The following NEBL variants were observed in gnomAD, a reference collection of about 807,000 sequenced individuals.
NEBL encodes LIM and SH3 protein 2.
NEBL carries 122 observed loss-of-function variants against 140.2 expected under a neutral mutation model. That is an observed-to-expected ratio of 0.87 (90% CI 0.75 to 1.01). NEBL has a LOEUF of 1.01. Ranked by LOEUF, NEBL falls within the 50% of genes least tolerant of loss-of-function variation. The pLI, the probability that NEBL is intolerant of heterozygous loss-of-function variation, is 0.00. For missense variants in NEBL, 1,365 were observed against 1,231.3 expected (o/e 1.11, Z -1.62); for synonymous variants, 436 against 398.9 (o/e 1.09, Z -1.11).
At chr10:21,080,217 AC>A (rs1836302203) in intron 2 of NEBL, among the ~76,000 whole-genome samples, 1 of 152,238 alleles carries the variant, frequency 6.6e-6, no homozygotes, top group African/African-American at 2.4e-5. Context: ...CATAGATACA[AC>A]AAAAGCATGT....
At chr10:20,842,241 G>A (rs970615935) in intron 12 of NEBL, among the ~76,000 whole-genome samples, 1 of 152,064 alleles carries the variant, frequency 6.6e-6, no homozygotes, top group African/African-American at 2.4e-5. Flanking sequence ...AATGATCTGA[G>A]TCAAATGACC....
At chr10:20,886,401 C>T (rs577426395) in intron 4 of NEBL, among the ~76,000 whole-genome samples, 95 of 151,756 alleles carry the variant, frequency 6.3e-4, no homozygotes, top group African/African-American at 8.7e-4. Flanking sequence ...TGGTGGTGTG[C>T]GCCTGTAATG....
intron 3 of NEBL, among the ~76,000 whole-genome samples, chr10:21,008,152 T>G (rs545382534): frequency 6.6e-6 from 1 of 152,304 alleles, no homozygotes; most frequent in Admixed American, 6.5e-5. Context: ...TATGTATAGG[T>G]AGATGTCATA....
In NEBL at chr10:21,007,384, T is replaced by C. The variant is rs138007135; in HGVS notation, c.249+12733A>G. On this transcript the variant is annotated intron_variant, in intron 3 of 6. Coordinates refer to the NEBL transcript ENST00000417816. ...TCCTTCAGTGAGATTTCTTTGCTAG[T>C]AAAGGTTTGAAACCAAAAATACCAA... Among the ~76,000 whole-genome samples, 5 of 152,318 alleles carry C rather than the reference T, an allele frequency of 3.3e-5. No individual in the cohort carries two copies. In the East Asian group the frequency reaches 9.6e-4, roughly 29 times the overall value.
chr10:20,831,669 C>T (rs115795896), intron 14 of NEBL, 86 bp from the exon 15 acceptor site: 1,032 of 850,572 alleles, frequency 1.2e-3, no homozygotes, highest in African/African-American at 4.8e-3. Flanking sequence ...ACATTAAGAC[C>T]ATGTCTTTTG....
At chr10:21,268,054 T>C (rs537660788) in intron 1 of NEBL, among the ~76,000 whole-genome samples, 10 of 152,312 alleles carry the variant, frequency 6.6e-5, no homozygotes, top group African/African-American at 2.4e-4. Context: ...TGCTCATTCA[T>C]AAACCAAGAC....
rs573838383 is a variant in NEBL at position 20,940,272 on chromosome 10, T to C, written c.357+21400A>G. Among the ~76,000 whole-genome samples the C allele has an allele frequency of 4.0e-5, 6 of 151,422 alleles. No individual in the cohort carries two copies. In the East Asian group the frequency reaches 9.7e-4, roughly 24 times the overall value. ...AGTGCAATCAAACTAGAACTCAGGA[T>C]TAAGAAACTCAATCAAAACCGCTCA... On this transcript the variant is annotated intron_variant, in intron 4 of 6. Transcript: ENST00000417816.
intron 12 of NEBL, among the ~76,000 whole-genome samples, chr10:20,843,933 G>T (rs1310310315): frequency 6.6e-6 from 1 of 152,002 alleles, no homozygotes. Context: ...TCATTCCTTT[G>T]TATCGATTAA....
chr10:20,832,002 T>C lies in NEBL; in HGVS notation c.1450-419A>G, dbSNP rs929041686. On this transcript the variant is annotated intron_variant, in intron 14 of 27. Transcript: ENST00000377122. ...CACCCCTTTTTTCCCCTTCATTGGC[T>C]CCCTAATTTGCCACTAGACAACTCA... is the stretch of plus-strand genomic sequence containing the variant. Among the ~76,000 whole-genome samples the C allele has an allele frequency of 6.6e-5, 10 of 152,158 alleles. 1 individual carries two copies. The highest frequency in any genetic ancestry group is 2.4e-4 in the African/African-American group (10 of 41,442).
chr10:20,814,605 C>T (rs1262489933), intron 22 of NEBL, among the ~76,000 whole-genome samples: 1 of 126,692 alleles, frequency 7.9e-6, no homozygotes, highest in Admixed American at 7.9e-5. Context: ...CTCAAACACA[C>T]ACATACACAC....
At chr10:20,969,254 C>T (rs1490828084) in intron 3 of NEBL, among the ~76,000 whole-genome samples, 2 of 151,792 alleles carry the variant, frequency 1.3e-5, no homozygotes, top group Non-Finnish European at 2.9e-5. Flanking sequence ...AAATTAATCT[C>T]ATAATTTGTA....
intron 3 of NEBL, among the ~76,000 whole-genome samples, chr10:21,017,814 T>C (rs937055018): frequency 6.6e-6 from 1 of 151,502 alleles, no homozygotes; most frequent in Non-Finnish European, 1.5e-5. Flanking sequence ...TCCACACTGA[T>C]TCTTCTCTTT....
intron 3 of NEBL, among the ~76,000 whole-genome samples, chr10:21,184,228 G>A (rs962637499): frequency 2.0e-5 from 3 of 152,036 alleles, no homozygotes; most frequent in Non-Finnish European, 4.4e-5. Context: ...GTGAAATATG[G>A]GTGCAAGCTT....
At chr10:21,103,550 AG>A (rs1203663113) in intron 2 of NEBL, among the ~76,000 whole-genome samples, 1 of 152,114 alleles carries the variant, frequency 6.6e-6, no homozygotes, top group East Asian at 1.9e-4. Flanking sequence ...TTTCCATCTT[AG>A]CCATCCTAAC....
At chr10:21,287,595 C>A (rs1417741848) in intron 1 of NEBL, among the ~76,000 whole-genome samples, 1 of 152,002 alleles carries the variant, frequency 6.6e-6, no homozygotes, top group Non-Finnish European at 1.5e-5. Flanking sequence ...AAGAGAAATG[C>A]AAGTAAAATT....
At chr10:21,202,461 C>CTTTGTTTT (rs1841753015) in intron 3 of NEBL, among the ~76,000 whole-genome samples, 1 of 117,294 alleles carries the variant, frequency 8.5e-6, no homozygotes, top group African/African-American at 3.4e-5. Flanking sequence ...TTTTCTTTTT[C>CTTTGTTTT]TTTTTTTTTT....
intron 1 of NEBL, among the ~76,000 whole-genome samples, chr10:21,283,476 G>C (rs1843017014): frequency 6.6e-6 from 1 of 152,096 alleles, no homozygotes; most frequent in African/African-American, 2.4e-5. Flanking sequence ...GACTCCCCCT[G>C]AATTATTTGT....
At chr10:21,084,166 G>A (rs1836510576) in intron 2 of NEBL, among the ~76,000 whole-genome samples, 1 of 152,250 alleles carries the variant, frequency 6.6e-6, no homozygotes, top group South Asian at 2.1e-4. Context: ...CCAGAGAGAT[G>A]GGAGTGGCTT....
chr10:20,889,101 T>C (rs1202753930), intron 3 of NEBL, among the ~76,000 whole-genome samples: 1 of 152,258 alleles, frequency 6.6e-6, no homozygotes, highest in African/African-American at 2.4e-5. Flanking sequence ...TTGATCTTTT[T>C]CCAACATAAT....
Sources: allele counts gnomAD v4.1 joint callset (sites outside exome capture counted in the v4.1 genomes callset), GRCh38; gene constraint gnomAD v4.1.1; transcripts MANE v1.5; gene names NCBI Gene and HGNC (gene_info 2026-07-23, HGNC 2026-07-21).